SGCZ: variants seen among roughly 807,000 people sequenced by gnomAD.
SGCZ encodes sarcoglycan zeta.
SGCZ carries 40 observed loss-of-function variants against 41.3 expected under a neutral mutation model. The ratio of observed to expected loss-of-function variants is 0.97; its 90% CI spans 0.75 to 1.26. SGCZ has a LOEUF of 1.26. SGCZ is among the 50% of genes most tolerant of loss of function. SGCZ has a pLI of 0.00. For synonymous variants in SGCZ, 206 were observed against 137.5 expected (o/e 1.50, Z -3.49); for missense variants, 552 against 369.8 (o/e 1.49, Z -4.04).
chr8:14,611,576 C>T (rs959740550), intron 1 of SGCZ, among the ~76,000 whole-genome samples: 1 of 151,968 alleles, frequency 6.6e-6, no homozygotes. Context: ...TTATTTTGTC[C>T]TTTGCTGGAA....
chr8:14,990,662 T>C lies in SGCZ; in HGVS notation c.39+246923A>G, dbSNP rs1413307218. Among the ~76,000 whole-genome samples, 5 of 151,948 alleles carry C rather than the reference T, an allele frequency of 3.3e-5. No individual in the cohort carries two copies. The South Asian group carries it at 1.0e-3, about 32-fold the overall frequency. On this transcript the variant is annotated intron_variant, in intron 1 of 7. Transcript: ENST00000382080. The stretch of plus-strand genomic sequence containing the variant: ...CTCACTGATTCTACATTTTGGAGAG[T>C]TGTATAATTATTTCATCATATACTA...
At chr8:14,298,281 C>G (rs1349518309) in intron 3 of SGCZ, among the ~76,000 whole-genome samples, 2 of 151,810 alleles carry the variant, frequency 1.3e-5, no homozygotes, top group African/African-American at 4.8e-5. Flanking sequence ...CTAAAATTTC[C>G]TTTTAGATTG....
At chr8:14,444,622 T>C (rs1470232667) in intron 2 of SGCZ, among the ~76,000 whole-genome samples, 2 of 118,832 alleles carry the variant, frequency 1.7e-5, no homozygotes, top group Non-Finnish European at 3.2e-5. Flanking sequence ...TGAGAACACA[T>C]GGACACAGGA....
chr8:14,452,371 G>A lies in SGCZ; in HGVS notation c.234+102361C>T, dbSNP rs1043507430. Among the ~76,000 whole-genome samples, 4 of 152,006 alleles carry A rather than the reference G, an allele frequency of 2.6e-5. No individual in the cohort carries two copies. The East Asian group carries it at 5.8e-4, about 22-fold the overall frequency. On this transcript the variant is annotated intron_variant, in intron 2 of 7. Coordinates refer to ENST00000382080, the MANE Select transcript of SGCZ (RefSeq NM_139167.4). ...CAGTAAAATTATTCTGTGTGATATCGTAACGGTGGATACATGTCATGATAT... is the reference window on the plus strand; with the variant it reads ...CAGTAAAATTATTCTGTGTGATATCATAACGGTGGATACATGTCATGATAT...
intron 1 of SGCZ, among the ~76,000 whole-genome samples, chr8:15,179,327 CT>C: frequency 6.6e-6 from 1 of 152,060 alleles, no homozygotes; most frequent in Non-Finnish European, 1.5e-5. Context: ...AGCTTGTTCT[CT>C]TTAGCTGAAA....
At chr8:14,733,011 A>G (rs1288455709) in intron 1 of SGCZ, among the ~76,000 whole-genome samples, 3 of 152,124 alleles carry the variant, frequency 2.0e-5, no homozygotes, top group Admixed American at 6.5e-5. Context: ...ATGCGTTTTC[A>G]TCTGGAACTG....
rs528362097 is a variant in SGCZ at position 15,227,070 on chromosome 8, G to A, written c.39+10515C>T. ...AGCATCCAGGTAAAGATTTCTAGCA[G>A]ATTGCTGGAAATAGGAGAGGTGTGC... is the stretch of plus-strand genomic sequence containing the variant. On this transcript the variant is annotated intron_variant, in intron 1 of 7. Coordinates refer to ENST00000382080, the MANE Select transcript of SGCZ (RefSeq NM_139167.4). Among the ~76,000 whole-genome samples, 575 of 152,320 alleles carry A rather than the reference G, an allele frequency of 3.8e-3. 4 individuals carry two copies. The highest frequency in any genetic ancestry group is 6.2e-3 in the Non-Finnish European group (420 of 68,032).
chr8:14,207,573 T>C (rs1418425638), intron 4 of SGCZ, among the ~76,000 whole-genome samples: 2 of 152,218 alleles, frequency 1.3e-5, no homozygotes. Flanking sequence ...GTAGTGTGTT[T>C]TTTTTCAGTT....
intron 1 of SGCZ, among the ~76,000 whole-genome samples, chr8:14,937,577 A>G (rs1800125229): frequency 6.6e-6 from 1 of 152,088 alleles, no homozygotes; most frequent in Non-Finnish European, 1.5e-5. Context: ...AGGAAAAACC[A>G]AACTAACTCA....
chr8:14,119,140 A>T (rs568257958), intron 5 of SGCZ, among the ~76,000 whole-genome samples: 1 of 152,176 alleles, frequency 6.6e-6, no homozygotes, highest in South Asian at 2.1e-4. Flanking sequence ...TGAATCTATA[A>T]ATTACTTTGG....
intron 1 of SGCZ, among the ~76,000 whole-genome samples, chr8:14,621,848 A>G (rs1806297166): frequency 1.3e-5 from 2 of 152,140 alleles, no homozygotes; most frequent in Non-Finnish European, 1.5e-5. Context: ...GAGCCAAATC[A>G]TATAGACTTC....
intron 1 of SGCZ, among the ~76,000 whole-genome samples, chr8:14,738,931 C>A (rs1293334418): frequency 6.6e-6 from 1 of 152,006 alleles, no homozygotes; most frequent in Admixed American, 6.6e-5. Flanking sequence ...GGAGGAAGAA[C>A]CTACAGTTGT....
At chr8:14,402,170 T>C (rs939403476) in intron 2 of SGCZ, among the ~76,000 whole-genome samples, 13 of 152,140 alleles carry the variant, frequency 8.5e-5, no homozygotes, top group Non-Finnish European at 1.9e-4. Context: ...CTGAGTTCAT[T>C]GTAGATTCTG....
intron 1 of SGCZ, among the ~76,000 whole-genome samples, chr8:14,681,188 A>G (rs946519683): frequency 2.0e-5 from 3 of 152,080 alleles, no homozygotes; most frequent in Admixed American, 6.6e-5. Flanking sequence ...ATATATCACA[A>G]TTTCTGAAAA....
intron 1 of SGCZ, among the ~76,000 whole-genome samples, chr8:14,613,899 A>T (rs1283506423): frequency 6.6e-6 from 1 of 152,198 alleles, no homozygotes; most frequent in Non-Finnish European, 1.5e-5. Flanking sequence ...AGTACAAAAA[A>T]AAATCAAAAT....
intron 6 of SGCZ, among the ~76,000 whole-genome samples, chr8:14,105,753 G>C (rs539956117): frequency 1.9e-3 from 282 of 151,934 alleles, no homozygotes; most frequent in African/African-American, 6.6e-3. Context: ...CCATACACTA[G>C]ATGTAATATC....
At chr8:14,220,528 A>G (rs112060715) in intron 4 of SGCZ, among the ~76,000 whole-genome samples, 194 of 152,024 alleles carry the variant, frequency 1.3e-3, no homozygotes, top group African/African-American at 4.3e-3. Context: ...CCCTCAGGGG[A>G]CGCCTTTGAG....
At chr8:14,948,697 A>G (rs1330305707) in intron 1 of SGCZ, among the ~76,000 whole-genome samples, 3 of 152,078 alleles carry the variant, frequency 2.0e-5, no homozygotes, top group African/African-American at 7.2e-5. Flanking sequence ...CTCAAGCCTA[A>G]TGTTACTTTC....
rs551074199 is a variant in SGCZ, at chr8:14,204,676, C to T, written c.424+32916G>A. 3.9e-5 allele frequency among the ~76,000 whole-genome samples: 6 copies of T among 152,228 alleles called. No individual in the cohort carries two copies. The South Asian group carries it at 6.2e-4, about 16-fold the overall frequency. On this transcript the variant is annotated intron_variant, in intron 4 of 7. Transcript: ENST00000382080. ...TGGGTGAACACCATCCAATCATCAG[C>T]GGCGCTGGGTAGAACAAAAAGTTAG...
Sources: gnomAD v4.1 joint callset for allele counts (sites outside exome capture counted in the v4.1 genomes callset) on GRCh38, gnomAD v4.1.1 for gene constraint, MANE v1.5 for transcripts, NCBI Gene and HGNC (gene_info 2026-07-23, HGNC 2026-07-21) for gene names.